The following ITGB5 variants were observed in gnomAD, a reference collection of about 807,000 sequenced individuals.
The protein encoded by ITGB5 is integrin subunit beta 5.
In ITGB5, 38 loss-of-function variants were observed where a neutral mutation model predicts 84.8. The ratio of observed to expected loss-of-function variants is 0.45; its 90% CI spans 0.35 to 0.59. The LOEUF (loss-of-function observed/expected upper bound fraction) is 0.59. Ranked by LOEUF, ITGB5 falls within the 20% of genes least tolerant of loss-of-function variation. ITGB5 has a pLI of 0.01. For synonymous variants in ITGB5, 393 were observed against 414.4 expected, an observed-to-expected ratio of 0.95 and a Z score of 0.63; for missense variants, 905 against 1,034.5, an observed-to-expected ratio of 0.87 and a Z score of 1.72.
chr3:124,772,915 T>TC (rs1190094382), intron 11 of ITGB5, among the ~76,000 whole-genome samples: 1 of 149,584 alleles, frequency 6.7e-6, no homozygotes, highest in African/African-American at 2.4e-5. Flanking sequence ...AATTTACTTT[T>TC]TTTTTTTTTT....
intron 10 of ITGB5, chr3:124,792,169 A>G (rs2064158768): frequency 6.6e-6 from 1 of 152,210 alleles, no homozygotes; most frequent in Admixed American, 6.5e-5. Flanking sequence ...CAATGGAAAG[A>G]CACTCAAAAT....
At chr3:124,890,491 G>A (rs12633721), upstream of ITGB5, among the ~76,000 whole-genome samples, 61,766 of 151,818 alleles carry the variant, frequency 0.41, 12,871 homozygotes, top group East Asian at 0.67. Flanking sequence ...GAGCCACCGC[G>A]CCCGGCCTTA....
At chr3:124,872,686 A>C (rs907817562) in intron 2 of ITGB5, among the ~76,000 whole-genome samples, 4 of 152,158 alleles carry the variant, frequency 2.6e-5, no homozygotes, top group African/African-American at 9.7e-5. Context: ...CAAGAGAGGA[A>C]ATTTAGAAAT....
chr3:124,819,768 C>T lies in ITGB5; in HGVS notation c.1009G>A (p.Val337Met). The change falls in exon 7 of 15, where the codon GTG becomes ATG. Residue 337 changes from valine (V) to methionine (M), a missense_variant. Physicochemically the swap from Val to Met is conservative, Grantham distance 21 (BLOSUM62 1). Transcript: ENST00000296181. ...TACAGCATATAATGGTTTTTTGTCA[C>T]TGCAAAGATGAGGTTGATGTTGTTC... ...AENNINLIFA[V>M]TKNHYMLYKN... 6.2e-7 allele frequency: 1 copy of T among 1,613,870 alleles called. No homozygotes were observed. Among genetic ancestry groups the T allele is most frequent in the Non-Finnish European group, 8.5e-7 (1 of 1,179,784 alleles).
intron 10 of ITGB5, among the ~76,000 whole-genome samples, chr3:124,779,452 C>T (rs2063971237): frequency 6.6e-6 from 1 of 152,098 alleles, no homozygotes; most frequent in Non-Finnish European, 1.5e-5. Context: ...GTCTCAGGCA[C>T]CAACAGACCC....
At chr3:124,846,213 C>A (rs1352310736) in intron 4 of ITGB5, among the ~76,000 whole-genome samples, 1 of 152,080 alleles carries the variant, frequency 6.6e-6, no homozygotes, top group Non-Finnish European at 1.5e-5. Flanking sequence ...ATCACCCAGC[C>A]CAACTTGGAG....
chr3:124,784,749 T>G (rs997472534), intron 10 of ITGB5, among the ~76,000 whole-genome samples: 1 of 152,222 alleles, frequency 6.6e-6, no homozygotes, highest in African/African-American at 2.4e-5. Flanking sequence ...GTCAACACCT[T>G]AGGTTTGGCT....
chr3:124,793,269 G>T (rs1381012590), intron 10 of ITGB5, among the ~76,000 whole-genome samples: 1 of 152,182 alleles, frequency 6.6e-6, no homozygotes, highest in Non-Finnish European at 1.5e-5. Flanking sequence ...ACACACGCAG[G>T]CTTCTAGGGT....
intron 10 of ITGB5, among the ~76,000 whole-genome samples, chr3:124,774,407 G>A (rs1579177663): frequency 6.6e-6 from 1 of 152,306 alleles, no homozygotes; most frequent in East Asian, 1.9e-4. Flanking sequence ...GGACTACAGA[G>A]GAAGGTGGCA....
chr3:124,763,741 G>A, intron 14 of ITGB5, 23 bp from the exon 15 acceptor site: 1 of 1,391,504 alleles, frequency 7.2e-7, no homozygotes, highest in Non-Finnish European at 1.0e-6. Context: ...GCGGGGAAGA[G>A]GATGAGGACA....
chr3:124,819,699 T>C (rs1198089860), intron 7 of ITGB5, 40 bp downstream of exon 7: 1 of 1,442,898 alleles, frequency 6.9e-7, no homozygotes, highest in Non-Finnish European at 9.8e-7. Flanking sequence ...ACCACCCACT[T>C]CACCCCACAA....
At chr3:124,851,103 G>A (rs2065146843) in intron 3 of ITGB5, among the ~76,000 whole-genome samples, 1 of 152,150 alleles carries the variant, frequency 6.6e-6, no homozygotes, top group Non-Finnish European at 1.5e-5. Context: ...TAACAGATGG[G>A]CACTTTAAAA....
At chr3:124,841,060 C>T (rs1214684859) in intron 5 of ITGB5, among the ~76,000 whole-genome samples, 2 of 152,236 alleles carry the variant, frequency 1.3e-5, no homozygotes, top group Non-Finnish European at 2.9e-5. Context: ...ATGCCTATGA[C>T]TTGACCTTTA....
intron 3 of ITGB5, among the ~76,000 whole-genome samples, chr3:124,854,934 CAA>C (rs1257164279): frequency 6.6e-6 from 1 of 152,102 alleles, no homozygotes; most frequent in Non-Finnish European, 1.5e-5. Flanking sequence ...ATAAGTCTGG[CAA>C]AGTCTTATAT....
At chr3:124,822,628 G>C (rs574811673) in intron 5 of ITGB5, among the ~76,000 whole-genome samples, 161 of 152,342 alleles carry the variant, frequency 1.1e-3, no homozygotes, top group African/African-American at 3.8e-3. Context: ...AGTTTGAAAA[G>C]AAGCCAGTGA....
chr3:124,777,624 G>A (rs1241256349), intron 10 of ITGB5, among the ~76,000 whole-genome samples: 1 of 152,134 alleles, frequency 6.6e-6, no homozygotes, highest in Non-Finnish European at 1.5e-5. Flanking sequence ...TCTCCTCATA[G>A]GAGTCTTCTC....
intron 1 of ITGB5, among the ~76,000 whole-genome samples, chr3:124,898,773 T>TAAAAA (rs36079714): frequency 3.2e-4 from 35 of 109,710 alleles, no homozygotes; most frequent in African/African-American, 1.1e-3. Flanking sequence ...CCCCATGTCT[T>TAAAAA]AAAAAAAAAA....
chr3:124,772,265 C>T (rs565195634), intron 11 of ITGB5, among the ~76,000 whole-genome samples: 1 of 152,196 alleles, frequency 6.6e-6, no homozygotes, highest in Non-Finnish European at 1.5e-5. Context: ...TACTCTCCCC[C>T]ATCTCCTCCA....
rs201926531 is a variant in ITGB5 at position 124,841,442 on chromosome 3, G to T, written c.721C>A (p.Arg241=). The change falls in exon 5 of 15, where the codon CGG becomes AGG. Residue 241 remains arginine, a synonymous_variant. Transcript: ENST00000296181. ...NEEVRKQRVS[R]NRDAPEGGFD... ...CCCCCCTCAGGGGCATCTCGGTTCCGGGACACCCTCTGTTTCCGAACTTCC... is the reference window on the plus strand; with the variant it reads ...CCCCCCTCAGGGGCATCTCGGTTCCTGGACACCCTCTGTTTCCGAACTTCC... 3.1e-6 allele frequency: 5 copies of T among 1,614,100 alleles called. No homozygotes were observed. In the East Asian group the frequency reaches 8.9e-5, roughly 29 times the overall value.
Sources: gnomAD v4.1 joint callset for allele counts (sites outside exome capture counted in the v4.1 genomes callset) on GRCh38, gnomAD v4.1.1 for gene constraint, MANE v1.5 for transcripts, NCBI Gene and HGNC (gene_info 2026-07-23, HGNC 2026-07-21) for gene names.